The following GNG7 variants were observed in gnomAD, a reference collection of about 807,000 sequenced individuals.
GNG7 encodes guanine nucleotide-binding protein G(I)/G(S)/G(O) subunit gamma-7.
A neutral mutation model predicts 4.0 loss-of-function variants in GNG7; 1 was observed. That is an observed-to-expected ratio of 0.25 (90% confidence interval 0.09 to 1.18). The LOEUF (loss-of-function observed/expected upper bound fraction) is 1.18. Among genes scored for constraint, GNG7 ranks in the 50% most tolerant of loss-of-function variants. The probability of loss-of-function intolerance (pLI) is 0.50; values close to 1 mark genes in which losing one functional copy is unlikely to be tolerated. For missense variants in GNG7, 86 were observed against 91.9 expected (o/e 0.94, Z 0.26); for synonymous variants, 34 against 36.9 (o/e 0.92, Z 0.29).
rs140041301 is a variant in GNG7 at position 2,518,953 on chromosome 19, G to A, written c.81+1655C>T. Among the ~76,000 whole-genome samples, 857 of 151,416 alleles carry A rather than the reference G, an allele frequency of 5.7e-3. 7 individuals are homozygous for A. The highest frequency in any genetic ancestry group is 0.019 in the African/African-American group (802 of 41,294). ...TGGGACTATAGGAGCCTGCCACCAC[G>A]CCTGGCTAATTTTTTTGTAATTTTA... On this transcript the variant is annotated intron_variant, in intron 4 of 4. Coordinates refer to ENST00000382159, the MANE Select transcript of GNG7 (RefSeq NM_052847.3).
At chr19:2,555,754 C>T (rs550347958) in intron 2 of GNG7, among the ~76,000 whole-genome samples, 8 of 152,102 alleles carry the variant, frequency 5.3e-5, no homozygotes, top group Non-Finnish European at 1.0e-4. Context: ...AAGGAAAGAA[C>T]GTCTCCAGGC....
intron 2 of GNG7, among the ~76,000 whole-genome samples, chr19:2,594,405 GGGAAGGAAGGAAGGAAGGAAGGAA>G (rs36015482): frequency 8.0e-5 from 11 of 136,868 alleles, no homozygotes; most frequent in Admixed American, 2.2e-4. Flanking sequence ...GAAAGAAGGA[GGGAAGGAAGGAAGGAAGGAAGGAA>G]GGAAGGAAGG....
At position 2,553,789 on chromosome 19, in the gene GNG7, A is replaced by G. The variant is rs191554301; in HGVS notation, c.-38+1360T>C. On this transcript the variant is annotated intron_variant, in intron 3 of 4. Coordinates refer to ENST00000382159, the MANE Select transcript of GNG7 (RefSeq NM_052847.3). The stretch of plus-strand genomic sequence containing the variant: ...TTGCATGTAATGTTATATCACACAC[A>G]TGTACGTATCATGTGTAATATATCA... 3.7e-5 allele frequency among the ~76,000 whole-genome samples: 5 copies of G among 136,762 alleles called. No individual in the cohort carries two copies. The East Asian group carries it at 8.5e-4, about 23-fold the overall frequency. 89.7% of individuals were successfully genotyped at this position (136,762 alleles called of 152,430 possible).
chr19:2,650,018 G>A (rs978887861), intron 1 of GNG7, among the ~76,000 whole-genome samples: 1 of 152,062 alleles, frequency 6.6e-6, no homozygotes, highest in African/African-American at 2.4e-5. Flanking sequence ...CATCCATGCT[G>A]TGACCTGTGT....
At chr19:2,541,999 T>G (rs549567737) in intron 3 of GNG7, among the ~76,000 whole-genome samples, 241 of 151,776 alleles carry the variant, frequency 1.6e-3, no homozygotes, top group African/African-American at 5.6e-3. Context: ...CCAGTGCTGC[T>G]GGGCCTCCTG....
intron 2 of GNG7, among the ~76,000 whole-genome samples, chr19:2,638,308 G>A (rs911445952): frequency 2.7e-5 from 4 of 149,734 alleles, no homozygotes; most frequent in South Asian, 2.2e-4. Context: ...GTTGCAGTGA[G>A]CTGAGATCAT....
chr19:2,649,421 G>C (rs113425295), intron 1 of GNG7, among the ~76,000 whole-genome samples: 1 of 63,716 alleles, frequency 1.6e-5, no homozygotes, highest in African/African-American at 5.7e-5. Context: ...TTTTTGAGAC[G>C]GAGTCTTGCT....
intron 2 of GNG7, among the ~76,000 whole-genome samples, chr19:2,564,887 TTAA>T (rs1979853388): frequency 3.4e-5 from 1 of 29,234 alleles, no homozygotes. Flanking sequence ...CATTGGTCAT[TTAA>T]AAAAAAAAAA....
Position 2,611,045 on chromosome 19 carries a change from C to A in GNG7, c.-78+35179G>T, listed in dbSNP as rs1981548193. 1 of 151,786 alleles carries A rather than the reference C, an allele frequency of 6.6e-6. No homozygotes were observed. Among genetic ancestry groups the A allele is most frequent in the Non-Finnish European group, 1.5e-5 (1 of 68,032 alleles). The allele number at this position is 151,786 out of a possible 1,614,324, so 9.4% of individuals were successfully genotyped here. A position where few individuals can be genotyped will look rare whatever the true frequency, so the allele number is the denominator to read the frequency against. ...TCCTCAACATTCTCAGAAAGGACCACGCCCGGCACCGGCCTTGGATGGCTT... is the reference window on the plus strand; with the variant it reads ...TCCTCAACATTCTCAGAAAGGACCAAGCCCGGCACCGGCCTTGGATGGCTT... On this transcript the variant is annotated intron_variant, in intron 2 of 4. Transcript: ENST00000382159. The surrounding 1 kb of genome is among the most constrained non-coding windows in gnomAD (Gnocchi z 6.0).
At chr19:2,562,936 TTTTC>T (rs147770276) in intron 2 of GNG7, among the ~76,000 whole-genome samples, 46,417 of 151,330 alleles carry the variant, frequency 0.31, 7,239 homozygotes, top group East Asian at 0.43. Flanking sequence ...GATTCAATCT[TTTTC>T]TTTTTCTTTT....
chr19:2,647,405 C>A (rs1257867597), intron 1 of GNG7, among the ~76,000 whole-genome samples: 1 of 152,182 alleles, frequency 6.6e-6, no homozygotes, highest in Non-Finnish European at 1.5e-5. Context: ...CCTCCCCGAC[C>A]CACCCCACGA....
Position 2,593,684 on chromosome 19 carries a change from C to A in GNG7, c.-77-38496G>T, listed in dbSNP as rs188819393. On this transcript the variant is annotated intron_variant, in intron 2 of 4. Transcript: ENST00000382159. Reference sequence around the variant, plus strand: ...GCTTGAACCTGGGACACGGAGCTTGCAGTGAGCCGAGATTGTGCCACTGCA... The same window carrying A: ...GCTTGAACCTGGGACACGGAGCTTGAAGTGAGCCGAGATTGTGCCACTGCA... Among the ~76,000 whole-genome samples the A allele has an allele frequency of 4.1e-3, 612 of 150,918 alleles. 3 individuals carry two copies. Among genetic ancestry groups the A allele is most frequent in the African/African-American group, 0.014 (590 of 41,054 alleles).
At chr19:2,568,747 C>T (rs1405101049) in intron 2 of GNG7, among the ~76,000 whole-genome samples, 1 of 151,290 alleles carries the variant, frequency 6.6e-6, no homozygotes, top group African/African-American at 2.4e-5. Context: ...CATACATACA[C>T]ACATACACAC....
At chr19:2,524,911 T>C (rs561483695) in intron 3 of GNG7, among the ~76,000 whole-genome samples, 1 of 152,250 alleles carries the variant, frequency 6.6e-6, no homozygotes, top group South Asian at 2.1e-4. Context: ...TGCGTGTGCG[T>C]GTGTGTGCGC....
chr19:2,587,896 A>G (rs1490552607), intron 2 of GNG7, among the ~76,000 whole-genome samples: 37 of 150,038 alleles, frequency 2.5e-4, no homozygotes, highest in Admixed American at 2.4e-3. Flanking sequence ...GGAAGGAAAG[A>G]AAAGAAAAGA....
chr19:2,681,303 C>T (rs1213415368), intron 1 of GNG7, among the ~76,000 whole-genome samples: 1 of 152,128 alleles, frequency 6.6e-6, no homozygotes, highest in Non-Finnish European at 1.5e-5. Flanking sequence ...CCTGCCTCAG[C>T]CTCCCGAGTA....
At chr19:2,680,600 A>C (rs1437934542) in intron 1 of GNG7, among the ~76,000 whole-genome samples, 1 of 111,602 alleles carries the variant, frequency 9.0e-6, no homozygotes, top group East Asian at 2.6e-4. Context: ...TTTGAGATGG[A>C]GTTTCCCTCT....
chr19:2,686,161 T>C (rs77179802), intron 1 of GNG7, among the ~76,000 whole-genome samples: 1 of 76,580 alleles, frequency 1.3e-5, no homozygotes, highest in African/African-American at 4.7e-5. Context: ...TGTCTCAGCA[T>C]TTTTTTTTTT....
At chr19:2,578,280 G>C (rs1980402442) in intron 2 of GNG7, among the ~76,000 whole-genome samples, 2 of 152,090 alleles carry the variant, frequency 1.3e-5, no homozygotes, top group Admixed American at 6.6e-5. Context: ...CCCCGTTAGA[G>C]CCGGGGGCCC....
Sources: gnomAD v4.1 joint callset for allele counts (sites outside exome capture counted in the v4.1 genomes callset) on GRCh38, gnomAD v4.1.1 for gene constraint, Gnocchi (gnomAD v3.1) non-coding constraint, MANE v1.5 for transcripts, NCBI Gene and HGNC (gene_info 2026-07-23, HGNC 2026-07-21) for gene names.